DTNA: variants seen among roughly 807,000 people sequenced by gnomAD.
DTNA encodes dystrobrevin alpha.
DTNA carries 43 observed loss-of-function variants against 100.7 expected under a neutral mutation model. The ratio of observed to expected loss-of-function variants is 0.43; its 90% confidence interval spans 0.33 to 0.55. DTNA has a LOEUF of 0.55. DTNA is among the 20% of genes least tolerant of loss of function. DTNA has a pLI of 0.04. For synonymous variants in DTNA, 349 were observed against 347.9 expected, an observed-to-expected ratio of 1.00 and a Z score of -0.04; for missense variants, 798 against 953.9, an observed-to-expected ratio of 0.84 and a Z score of 2.15.
At chr18:34,807,860 T>C (rs2095401711) in intron 5 of DTNA, among the ~76,000 whole-genome samples, 1 of 149,310 alleles carries the variant, frequency 6.7e-6, no homozygotes. Context: ...TTTTTTCTTT[T>C]TTTTTTTCAA....
chr18:34,737,234 A>G (rs542183824), intron 1 of DTNA, among the ~76,000 whole-genome samples: 23 of 152,342 alleles, frequency 1.5e-4, no homozygotes, highest in African/African-American at 5.5e-4. Context: ...AATTGAGGCA[A>G]GCTGTACCTA....
At chr18:34,762,568 G>T (rs1428596520) in intron 2 of DTNA, among the ~76,000 whole-genome samples, 3 of 152,186 alleles carry the variant, frequency 2.0e-5, no homozygotes, top group Non-Finnish European at 4.4e-5. Context: ...TTCATTGTTT[G>T]CTGGGGCAAA....
chr18:34,800,559 G>A (rs1361542058), intron 4 of DTNA, among the ~76,000 whole-genome samples: 1 of 152,184 alleles, frequency 6.6e-6, no homozygotes, highest in African/African-American at 2.4e-5. Flanking sequence ...CCACCAAAAT[G>A]TGTGAGAAAG....
At chr18:34,516,945 G>C (rs1007276199) in intron 1 of DTNA, among the ~76,000 whole-genome samples, 1 of 152,110 alleles carries the variant, frequency 6.6e-6, no homozygotes, top group Non-Finnish European at 1.5e-5. Flanking sequence ...AATTATAAGA[G>C]TATTGATTGG....
At chr18:34,554,489 T>C (rs879880834) in intron 1 of DTNA, among the ~76,000 whole-genome samples, 30 of 150,436 alleles carry the variant, frequency 2.0e-4, no homozygotes, top group South Asian at 2.1e-4. Context: ...TTTGCCCATT[T>C]AGTATGATAT....
At chr18:34,565,815 T>C (rs1247494556) in intron 1 of DTNA, among the ~76,000 whole-genome samples, 1 of 152,188 alleles carries the variant, frequency 6.6e-6, no homozygotes, top group Non-Finnish European at 1.5e-5. Context: ...TATCCACAGG[T>C]ATTGGATGGA....
At chr18:34,804,757 G>T (rs2095316393) in intron 4 of DTNA, among the ~76,000 whole-genome samples, 1 of 152,088 alleles carries the variant, frequency 6.6e-6, no homozygotes, top group African/African-American at 2.4e-5. Flanking sequence ...CTAAGTGAAG[G>T]TTTCAGATAA....
chr18:34,597,226 C>G (rs1378393279), intron 1 of DTNA, among the ~76,000 whole-genome samples: 1 of 152,248 alleles, frequency 6.6e-6, no homozygotes, highest in East Asian at 1.9e-4. Flanking sequence ...CCCTAGCTGG[C>G]CCCTTTCCTT....
chr18:34,877,893 T>A (rs1395121686), intron 19 of DTNA, 85 bp downstream of exon 19: 1 of 1,129,330 alleles, frequency 8.9e-7, no homozygotes, highest in Non-Finnish European at 1.3e-6. Flanking sequence ...ATCTGCTTAT[T>A]GTCTAATATC....
chr18:34,875,497 A>C (rs1317336995), intron 18 of DTNA, 99 bp downstream of exon 18: 1 of 1,548,910 alleles, frequency 6.5e-7, no homozygotes, highest in African/African-American at 1.4e-5. Context: ...ACATGTGACT[A>C]TTGTAGGGTC....
At chr18:34,780,087 G>A (rs2094248594) in intron 3 of DTNA, among the ~76,000 whole-genome samples, 2 of 126,184 alleles carry the variant, frequency 1.6e-5, no homozygotes, top group East Asian at 2.3e-4. Flanking sequence ...TATAATTATG[G>A]TAGTTACAAA....
Position 34,825,141 on chromosome 18 carries a change from C to A in DTNA, c.1002-2452C>A, listed in dbSNP as rs1212596869. ...GAGGTGCTGCCAGTCATGAATTAGTCCTTAAATAGAAATGAGCAGGTGGTG... is the reference window on the plus strand; with the variant it reads ...GAGGTGCTGCCAGTCATGAATTAGTACTTAAATAGAAATGAGCAGGTGGTG... On this transcript the variant is annotated intron_variant, in intron 9 of 22. Transcript: ENST00000444659. The A allele has an allele frequency of 2.3e-6, 3 of 1,287,866 alleles. No homozygotes were observed. The African/African-American group carries it at 4.4e-5, about 19-fold the overall frequency. 79.8% of individuals were successfully genotyped at this position (1,287,866 alleles called of 1,614,324 possible).
chr18:34,657,918 C>A (rs539396656), intron 1 of DTNA, among the ~76,000 whole-genome samples: 4 of 152,218 alleles, frequency 2.6e-5, no homozygotes, highest in Non-Finnish European at 5.9e-5. Flanking sequence ...GTCCTGGCCA[C>A]TATTAATGAA....
rs1388866177 is a variant in DTNA, at chr18:34,790,527, T to C, written c.149-3510T>C. Among the ~76,000 whole-genome samples the C allele has an allele frequency of 2.3e-5, 3 of 131,692 alleles. 1 individual carries two copies. Among genetic ancestry groups the C allele is most frequent in the African/African-American group, 9.0e-5 (3 of 33,266 alleles). 86.4% of individuals were successfully genotyped at this position (131,692 alleles called of 152,430 possible). On this transcript the variant is annotated intron_variant, in intron 3 of 22. Coordinates refer to ENST00000444659, the MANE Select transcript of DTNA (RefSeq NM_001386795.1). ...TAGATTTCAAATTAATGGGAAGTTATTAAAGGACTTTAAGCAGCATACTAT... is the reference window on the plus strand; with the variant it reads ...TAGATTTCAAATTAATGGGAAGTTACTAAAGGACTTTAAGCAGCATACTAT...
At chr18:34,727,346 ATTTTAC>A (rs2086946630) in intron 1 of DTNA, among the ~76,000 whole-genome samples, 1 of 152,150 alleles carries the variant, frequency 6.6e-6, no homozygotes, top group Non-Finnish European at 1.5e-5. Flanking sequence ...TTGACTAGTA[ATTTTAC>A]TTTTAGGAAT....
intron 1 of DTNA, among the ~76,000 whole-genome samples, chr18:34,576,864 C>G (rs1480724034): frequency 6.6e-6 from 1 of 152,132 alleles, no homozygotes. Flanking sequence ...TCTTGTCATG[C>G]GTGTGAACAT....
At position 34,882,156 on chromosome 18, in the gene DTNA, G is replaced by C. The variant is rs2096879244; in HGVS notation, c.2250G>C (p.Gln750His). The change falls in exon 21 of 23, where the codon CAG becomes CAC. Residue 750 changes from glutamine to histidine, a missense_variant. By Grantham distance (24) the Gln-to-His change is conservative. Around this residue, in one of 6 missense-constraint regions of DTNA, gnomAD observed 242 missense variants for 238.2 expected, o/e 1.02. Transcript: ENST00000444659. ...DSVRQLENEL[Q>H]MEEYLKQKLQ... is the part of the protein sequence containing the mutation. Reference sequence around the variant, plus strand: ...TCCGGCAGCTGGAGAATGAGCTCCAGATGGAGGAATACCTGAAACAGAAGC... The same window carrying C: ...TCCGGCAGCTGGAGAATGAGCTCCACATGGAGGAATACCTGAAACAGAAGC... 3 of 1,614,072 alleles carry C rather than the reference G, an allele frequency of 1.9e-6. No individual in the cohort carries two copies. Among genetic ancestry groups the C allele is most frequent in the South Asian group, 2.2e-5 (2 of 91,080 alleles).
At chr18:34,559,879 A>G (rs992159526) in intron 1 of DTNA, among the ~76,000 whole-genome samples, 2 of 152,246 alleles carry the variant, frequency 1.3e-5, no homozygotes, top group African/African-American at 2.4e-5. Flanking sequence ...CAAAATATGT[A>G]TAGGAAAACA....
intron 1 of DTNA, among the ~76,000 whole-genome samples, chr18:34,551,127 C>T (rs1282192640): frequency 2.6e-5 from 4 of 152,182 alleles, no homozygotes; most frequent in African/African-American, 9.6e-5. Flanking sequence ...TCCATTCATG[C>T]TCTCCTGATG....
Sources: gnomAD v4.1 joint callset for allele counts (sites outside exome capture counted in the v4.1 genomes callset) on GRCh38, gnomAD v4.1.1 for gene constraint, gnomAD v4.1.1 regional missense constraint, MANE v1.5 for transcripts, NCBI Gene and HGNC (gene_info 2026-07-23, HGNC 2026-07-21) for gene names.